The following RNPEP variants were observed in gnomAD, a reference collection of about 807,000 sequenced individuals.
RNPEP encodes arginyl aminopeptidase.
RNPEP carries 57 observed loss-of-function variants against 70.1 expected under a neutral mutation model. That is an observed-to-expected ratio of 0.81 (90% confidence interval 0.66 to 1.01). The LOEUF is 1.01. Among genes scored for constraint, RNPEP ranks in the 50% least tolerant of loss-of-function variants. The pLI, the probability that RNPEP is intolerant of heterozygous loss-of-function variation, is 0.00. For synonymous variants in RNPEP, 335 were observed against 357.4 expected (o/e 0.94, Z 0.71); for missense variants, 787 against 852.4 (o/e 0.92, Z 0.96).
intron 1 of RNPEP, among the ~76,000 whole-genome samples, chr1:201,987,478 C>T (rs1036426340): frequency 5.6e-5 from 8 of 143,638 alleles, no homozygotes; most frequent in Non-Finnish European, 9.0e-5. Flanking sequence ...CGCTCTGTCA[C>T]CCAGGCTGGA....
At chr1:202,001,805 A>G (rs759436479) in intron 8 of RNPEP, 38 bp downstream of exon 8, 2 of 1,241,340 alleles carry the variant, frequency 1.6e-6, no homozygotes, top group African/African-American at 3.0e-5. Context: ...TCTAAAAAAT[A>G]GTAGAGAATG....
At chr1:201,989,641 TGA>T in intron 3 of RNPEP, 110 bp downstream of exon 3, 1 of 1,158,832 alleles carries the variant, frequency 8.6e-7, no homozygotes, top group East Asian at 2.4e-5. Flanking sequence ...ATCCTCTGTC[TGA>T]GTCCAGAGCC....
intron 1 of RNPEP, chr1:201,983,801 A>G: frequency 9.1e-7 from 1 of 1,102,708 alleles, no homozygotes; most frequent in Non-Finnish European, 1.1e-6. Flanking sequence ...AAATAAGAGG[A>G]TGGAGTTATG....
Position 202,000,012 on chromosome 1 carries a change from C to T in RNPEP, c.1201C>T (p.Pro401Ser). The T allele has an allele frequency of 1.2e-6, 2 of 1,611,346 alleles. No homozygotes were observed. Among genetic ancestry groups the T allele is most frequent in the South Asian group, 1.1e-5 (1 of 90,700 alleles). The stretch of plus-strand genomic sequence containing the variant: ...CAACAAGCTCCGCGTGAAGATTGAA[C>T]CAGGTCCAGGAGGCTCCTCTGTCTG... ...PLNKLRVKIEPGVDPDDTYNE... is the reference protein window; with the variant it reads ...PLNKLRVKIESGVDPDDTYNE... Residue 401 changes from proline to serine, a missense_variant, in exon 6 of 11, where the codon CCA becomes TCA. By Grantham distance (74) the Pro-to-Ser change is moderately conservative (BLOSUM62 -1). Coordinates refer to ENST00000295640, the MANE Select transcript of RNPEP (RefSeq NM_020216.4).
At chr1:202,004,318 G>A (rs367878181) in intron 9 of RNPEP, 36 bp from the exon 10 acceptor site, 39 of 1,611,958 alleles carry the variant, frequency 2.4e-5, no homozygotes, top group African/African-American at 1.1e-4. Context: ...GTGACCCACC[G>A]TGACCAGCCA....
intron 5 of RNPEP, among the ~76,000 whole-genome samples, chr1:201,998,692 G>A (rs1683662689): frequency 1.3e-5 from 2 of 152,166 alleles, no homozygotes. Context: ...AATCCTGCAA[G>A]CAAATATTTT....
chr1:202,003,593 C>T, intron 9 of RNPEP, 132 bp downstream of exon 9: 1 of 660,626 alleles, frequency 1.5e-6, no homozygotes. Context: ...TGGCACTCCA[C>T]AAGGAATGTG....
chr1:202,005,531 AG>A, intron 10 of RNPEP, 26 bp from the exon 11 acceptor site: 1 of 1,610,826 alleles, frequency 6.2e-7, no homozygotes, highest in Middle Eastern at 1.7e-4. Context: ...CAAGCTTCTT[AG>A]GCATGTGTAT....
intron 1 of RNPEP, 64 bp downstream of exon 1, chr1:201,983,177 C>T: frequency 7.0e-7 from 1 of 1,420,760 alleles, no homozygotes; most frequent in East Asian, 2.7e-5. Flanking sequence ...AGCCGCCCTG[C>T]ACCCTCACCT....
In RNPEP at chr1:202,005,819, T is replaced by TC; in HGVS notation, c.*107dup. The TC allele has an allele frequency of 7.6e-7, 1 of 1,322,452 alleles. No individual in the cohort carries two copies. The highest frequency in any genetic ancestry group is 1.1e-6 in the Non-Finnish European group (1 of 935,126). 81.9% of individuals were successfully genotyped at this position (1,322,452 alleles called of 1,614,324 possible). On this transcript the variant is annotated 3_prime_UTR_variant, in exon 11 of 11. Coordinates refer to ENST00000295640, the MANE Select transcript of RNPEP (RefSeq NM_020216.4). Reference sequence around the variant, plus strand: ...CCTGATCAACTTCCTGGAGTTTATATCCCCTCAGGATAATCTATTCTCTAG... The same window carrying TC: ...CCTGATCAACTTCCTGGAGTTTATATCCCCCTCAGGATAATCTATTCTCTAG...
rs1053519998 is a variant in RNPEP, at chr1:202,003,677, C to T, written c.1651+216C>T. 3.4e-4 allele frequency among the ~76,000 whole-genome samples: 51 copies of T among 152,092 alleles called. 1 individual carries two copies. Among genetic ancestry groups the T allele is most frequent in the Non-Finnish European group, 2.2e-4 (15 of 68,014 alleles). On this transcript the variant is annotated intron_variant, in intron 9 of 10. Transcript: ENST00000295640. Reference sequence around the variant, plus strand: ...TGGCACTCCACAAGGAATGTGCCATCGGGAGGTTATGGGTTCTACTTACAA... The same window carrying T: ...TGGCACTCCACAAGGAATGTGCCATTGGGAGGTTATGGGTTCTACTTACAA...
At chr1:201,983,451 G>C (rs1253946295) in intron 1 of RNPEP, 2 of 1,411,650 alleles carry the variant, frequency 1.4e-6, no homozygotes, top group African/African-American at 1.4e-5. Context: ...AACATTTTCC[G>C]TGGCTTTCTA....
rs748821361 is a variant in RNPEP at position 201,989,049 on chromosome 1, G to A, written c.588+5G>A. 6.2e-7 allele frequency: 1 copy of A among 1,612,696 alleles called. No homozygotes were observed. Among genetic ancestry groups the A allele is most frequent in the East Asian group, 2.2e-5 (1 of 44,866 alleles). On this transcript the variant is annotated splice_donor_5th_base_variant and intron_variant, in intron 2 of 10. Transcript: ENST00000295640. ...AAGTATTCAGCTCTTATTGAGGTAA[G>A]GAGACTAAGGTTAGGTGCACCTGCC... is the stretch of plus-strand genomic sequence containing the variant.
chr1:202,000,061 T>C (rs760860182), intron 6 of RNPEP, 46 bp downstream of exon 6: 4 of 1,409,616 alleles, frequency 2.8e-6, no homozygotes, highest in Non-Finnish European at 4.0e-6. Flanking sequence ...TCAATTGAGC[T>C]TGGAGCCCCA....
chr1:201,986,019 C>T (rs1478611494), intron 1 of RNPEP, among the ~76,000 whole-genome samples: 1 of 152,188 alleles, frequency 6.6e-6, no homozygotes, highest in Non-Finnish European at 1.5e-5. Flanking sequence ...CCTTGATCCC[C>T]CTGGTTCAAG....
rs1296942741 is a variant in RNPEP, at chr1:202,005,913, C to T, written c.*197C>T. The T allele has an allele frequency of 7.9e-6, 5 of 629,054 alleles. No individual in the cohort carries two copies. The South Asian group carries it at 8.7e-5, about 11-fold the overall frequency. The allele number at this position is 629,054 out of a possible 1,614,324, so 39.0% of individuals were successfully genotyped here. On this transcript the variant is annotated 3_prime_UTR_variant, in exon 11 of 11. Coordinates refer to ENST00000295640, the MANE Select transcript of RNPEP (RefSeq NM_020216.4). ...TACTTCTCTATAGCCCACTGAGCCC[C>T]GAGACAGAGAACCTGCCCACAGCTC...
chr1:201,997,276 C>T (rs372458127), intron 4 of RNPEP, 43 bp from the exon 5 acceptor site: 389 of 1,515,466 alleles, frequency 2.6e-4, no homozygotes, highest in Non-Finnish European at 3.3e-4. Flanking sequence ...GGGTCTGCTC[C>T]GGGAAGCCAG....
chr1:201,994,008 G>A (rs1364563598), intron 3 of RNPEP, among the ~76,000 whole-genome samples: 3 of 149,448 alleles, frequency 2.0e-5, no homozygotes, highest in Non-Finnish European at 3.0e-5. Context: ...GCCTCAATAC[G>A]GATAACATAT....
chr1:202,002,573 G>C (rs926507442), intron 8 of RNPEP, among the ~76,000 whole-genome samples: 1 of 152,172 alleles, frequency 6.6e-6, no homozygotes, highest in Admixed American at 6.5e-5. Flanking sequence ...CCTGAACCTT[G>C]AGTCACTCTA....
Sources: gnomAD v4.1 joint callset for allele counts (sites outside exome capture counted in the v4.1 genomes callset) on GRCh38, gnomAD v4.1.1 for gene constraint, MANE v1.5 for transcripts, NCBI Gene and HGNC (gene_info 2026-07-23, HGNC 2026-07-21) for gene names.